Variants in C22orf31 observed in about 807,000 individuals in gnomAD.
The protein encoded by C22orf31 is uncharacterized protein C22orf31.
In C22orf31, 11 loss-of-function variants were observed where a neutral mutation model predicts 15.0. The observed-to-expected ratio is 0.73, with a 90% CI of 0.46 to 1.21. C22orf31 has a LOEUF of 1.21. C22orf31 is among the 50% of genes most tolerant of loss of function. C22orf31 has a pLI of 0.00. For missense variants in C22orf31, 340 were observed against 347.2 expected, an observed-to-expected ratio of 0.98 and a Z score of 0.17; for synonymous variants, 132 against 133.3, an observed-to-expected ratio of 0.99 and a Z score of 0.07.
chr22:29,058,908 C>CT lies in C22orf31; in HGVS notation c.706dup (p.Ser236LysfsTer9), dbSNP rs764440938. On this transcript the variant is annotated frameshift_variant, in exon 3 of 3. Transcript: ENST00000216071. LOFTEE classifies it low-confidence loss of function (END_TRUNC). ...TTTAATGGCCTTGCCCAGCTCCAGG[C>CT]TGTACCTCTTGGGGGTCCCTGAAGG... 6.2e-7 allele frequency: 1 copy of CT among 1,614,236 alleles called. No individual in the cohort carries two copies.
At chr22:29,062,684 C>T (rs2037402782), upstream of C22orf31, among the ~76,000 whole-genome samples, 1 of 151,982 alleles carries the variant, frequency 6.6e-6, no homozygotes, top group South Asian at 2.1e-4. Flanking sequence ...GTGTTGCCTG[C>T]TTGCGTTTTT....
chr22:29,065,121 G>C (rs368317301), upstream of C22orf31, among the ~76,000 whole-genome samples: 16 of 152,224 alleles, frequency 1.1e-4, no homozygotes, highest in African/African-American at 3.9e-4. Flanking sequence ...CCAAAGTGCT[G>C]GGATTTCAGG....
upstream of C22orf31, chr22:29,061,955 G>A: frequency 1.7e-6 from 1 of 577,620 alleles, no homozygotes; most frequent in Non-Finnish European, 3.1e-6. Context: ...ATTGCTGTTT[G>A]TTTAGATGTG....
chr22:29,072,338 T>A, the C22orf31 span, among the ~76,000 whole-genome samples: 2 of 151,960 alleles, frequency 1.3e-5, no homozygotes, highest in African/African-American at 2.4e-5. Flanking sequence ...GTTGCCCAGG[T>A]TGGTCTCAGA....
chr22:29,068,163 C>G, the C22orf31 span, among the ~76,000 whole-genome samples: 1 of 148,504 alleles, frequency 6.7e-6, no homozygotes, highest in Non-Finnish European at 1.5e-5. Context: ...CTCACTACAA[C>G]TTCTGTCTCC....
At chr22:29,059,209 A>C (rs771063997) in intron 2 of C22orf31, 27 bp from the exon 3 acceptor site, 1 of 1,537,312 alleles carries the variant, frequency 6.5e-7, no homozygotes, top group Non-Finnish European at 8.8e-7. Flanking sequence ...CAGAGAAGTC[A>C]AAGCTAAAAC....
chr22:29,071,065 T>C, the C22orf31 span, among the ~76,000 whole-genome samples: 2 of 151,826 alleles, frequency 1.3e-5, no homozygotes, highest in African/African-American at 4.8e-5. Context: ...AGTCCTGGAA[T>C]AAGGGTTCTC....
rs2037374546 is a variant in C22orf31, at chr22:29,060,282, C to T, written c.432+133G>A. ...CTCTGAGCTCAAGTGATCCTCCCTG[C>T]TTGGCCTCCCAAAGTGCTGAGATTA... On this transcript the variant is annotated intron_variant, in intron 2 of 2. Coordinates refer to ENST00000216071, the MANE Select transcript of C22orf31 (RefSeq NM_015370.2). 9 of 824,986 alleles carry T rather than the reference C, an allele frequency of 1.1e-5. No homozygotes were observed. The South Asian group carries it at 1.5e-4, about 14-fold the overall frequency. The allele number at this position is 824,986 out of a possible 1,614,324, so 51.1% of individuals were successfully genotyped here. A position where few individuals can be genotyped will look rare whatever the true frequency, so the allele number is the denominator to read the frequency against.
intron 2 of C22orf31, 137 bp downstream of exon 2, chr22:29,060,278 C>G: frequency 1.3e-6 from 1 of 798,610 alleles, no homozygotes; most frequent in Non-Finnish European, 2.0e-6. Context: ...AGTGATCCTC[C>G]CTGCTTGGCC....
chr22:29,071,547 A>C, the C22orf31 span, among the ~76,000 whole-genome samples: 1 of 151,266 alleles, frequency 6.6e-6, no homozygotes, highest in East Asian at 2.0e-4. Flanking sequence ...ACTGGTGCAG[A>C]TGTTCCCGCC....
intron 1 of C22orf31, 65 bp from the exon 2 acceptor site, chr22:29,060,908 C>A: frequency 7.2e-7 from 1 of 1,390,030 alleles, no homozygotes; most frequent in South Asian, 1.3e-5. Flanking sequence ...AATAAAAGGT[C>A]TACTTTGAAG....
At position 29,060,852 on chromosome 22, in the gene C22orf31, A is replaced by G. The variant is rs1234225692; in HGVS notation, c.4-9T>C. ...CTCACATTGATTGGGTGCTAGAATT[A>G]TAAGGAGGGAGAAATGAATTTTAAA... On this transcript the variant is annotated splice_polypyrimidine_tract_variant and intron_variant, in intron 1 of 2. Coordinates refer to ENST00000216071, the MANE Select transcript of C22orf31 (RefSeq NM_015370.2). 6 of 1,602,558 alleles carry G rather than the reference A, an allele frequency of 3.7e-6. No individual in the cohort carries two copies. Among genetic ancestry groups the G allele is most frequent in the East Asian group, 2.2e-5 (1 of 44,754 alleles).
upstream of C22orf31, among the ~76,000 whole-genome samples, chr22:29,062,637 C>G (rs1190395494): frequency 6.6e-6 from 1 of 152,074 alleles, no homozygotes; most frequent in Non-Finnish European, 1.5e-5. Context: ...GATGGAAAAA[C>G]AGAGTATGAA....
intron 1 of C22orf31, 109 bp from the exon 2 acceptor site, chr22:29,060,952 T>C: frequency 1.1e-6 from 1 of 889,118 alleles, no homozygotes; most frequent in South Asian, 1.7e-5. Context: ...AGGCCATTCC[T>C]TCCACCCAGT....
rs141928677 is a variant in C22orf31, at chr22:29,059,123, A to C, written c.492T>G (p.Tyr164Ter). The change falls in exon 3 of 3, where the codon TAT becomes TAG. Residue 164 changes from tyrosine (Y) to a stop codon, truncating the protein, a stop_gained. Coordinates refer to ENST00000216071, the MANE Select transcript of C22orf31 (RefSeq NM_015370.2). LOFTEE classifies it low-confidence loss of function (END_TRUNC). Reference protein sequence around the residue: ...LTVRQDLEDRYAEHVAATQAL... With the variant: ...LTVRQDLEDR ...CTTGGGTGGCAGCCACATGTTCAGC[A>C]TATCTGTCCTCAAGATCTTGGCGGA... The C allele has an allele frequency of 6.2e-7, 1 of 1,614,052 alleles. No homozygotes were observed. The highest frequency in any genetic ancestry group is 8.5e-7 in the Non-Finnish European group (1 of 1,179,968).
At chr22:29,068,918 C>T in the C22orf31 span, among the ~76,000 whole-genome samples, 1 of 151,976 alleles carries the variant, frequency 6.6e-6, no homozygotes, top group African/African-American at 2.4e-5. Context: ...GCGCCCGCCA[C>T]TACACCTGGC....
chr22:29,064,796 C>T (rs567267913), upstream of C22orf31, among the ~76,000 whole-genome samples: 11 of 146,778 alleles, frequency 7.5e-5, 1 homozygote, highest in African/African-American at 2.3e-4. Flanking sequence ...CTTGGCCTCC[C>T]GAAGTGCTGG....
rs137960357 is a variant in C22orf31 at position 29,058,960 on chromosome 22, C to T, written c.655G>A (p.Ala219Thr). 421 of 1,613,812 alleles carry T rather than the reference C, an allele frequency of 2.6e-4. No individual in the cohort carries two copies. The highest frequency in any genetic ancestry group is 2.3e-3 in the East Asian group (103 of 44,874). The change falls in exon 3 of 3, where the codon GCT becomes ACT. Residue 219 changes from alanine to threonine, a missense_variant. By Grantham distance (58) the Ala-to-Thr change is moderately conservative (BLOSUM62 0). Transcript: ENST00000216071. ...PTEGYQALYH[A>T]VVEPMLWNPS... ...TTCCACAGCATTGGCTCCACCACAG[C>T]GTGGTACAGAGCCTGGTAACCCTCT...
chr22:29,064,486 A>C (rs944516457), upstream of C22orf31, among the ~76,000 whole-genome samples: 2 of 152,054 alleles, frequency 1.3e-5, no homozygotes, highest in African/African-American at 4.8e-5. Context: ...TGTATATAGT[A>C]AGCACTCAAT....
Sources: allele counts gnomAD v4.1 joint callset (sites outside exome capture counted in the v4.1 genomes callset), GRCh38; gene constraint gnomAD v4.1.1; transcripts MANE v1.5; gene names NCBI Gene and HGNC (gene_info 2026-07-23, HGNC 2026-07-21).